Variants in SH3PXD2A observed in about 807,000 individuals in gnomAD.
The protein encoded by SH3PXD2A is SH3 and PX domain-containing protein 2A.
SH3PXD2A carries 32 observed loss-of-function variants against 115.2 expected under a neutral mutation model. The observed-to-expected ratio is 0.28, with a 90% CI of 0.21 to 0.37. The LOEUF (loss-of-function observed/expected upper bound fraction) is 0.37. Ranked by LOEUF, SH3PXD2A falls within the 10% of genes least tolerant of loss-of-function variation. The probability of loss-of-function intolerance (pLI) is 1.00; values close to 1 mark genes in which losing one functional copy is unlikely to be tolerated. For synonymous variants in SH3PXD2A, 610 were observed against 629.1 expected, an observed-to-expected ratio of 0.97 and a Z score of 0.45; for missense variants, 1,328 against 1,498.7, an observed-to-expected ratio of 0.89 and a Z score of 1.88.
intron 2 of SH3PXD2A, among the ~76,000 whole-genome samples, chr10:103,775,715 G>A (rs576085695): frequency 2.0e-5 from 3 of 152,274 alleles, no homozygotes; most frequent in Non-Finnish European, 4.4e-5. Flanking sequence ...TTATTCCAGC[G>A]ACTTGAGGAT....
chr10:103,655,731 C>T (rs758184890), intron 8 of SH3PXD2A, among the ~76,000 whole-genome samples: 8 of 138,570 alleles, frequency 5.8e-5, no homozygotes, highest in Admixed American at 5.5e-4. Context: ...CGAGATTGCA[C>T]TACTGCACTC....
Position 103,599,453 on chromosome 10 carries a change from G to T in SH3PXD2A, c.*2363C>A, listed in dbSNP as rs1192179615. On this transcript the variant is annotated 3_prime_UTR_variant, in exon 15 of 15. Coordinates refer to ENST00000369774, the MANE Select transcript of SH3PXD2A (RefSeq NM_001394015.1). ...AACTGGCTCAGTGCAGACATCTGAG[G>T]AGCGAGGCTGCAGGGCCCTCCCCCT... is the stretch of plus-strand genomic sequence containing the variant. 1 of 152,650 alleles carries T rather than the reference G, an allele frequency of 6.6e-6. No individual in the cohort carries two copies. Among genetic ancestry groups the T allele is most frequent in the Non-Finnish European group, 1.5e-5 (1 of 68,046 alleles). The allele number at this position is 152,650 out of a possible 1,614,324, so 9.5% of individuals were successfully genotyped here.
chr10:103,828,561 T>C (rs1391477594), intron 1 of SH3PXD2A, among the ~76,000 whole-genome samples: 3 of 152,166 alleles, frequency 2.0e-5, no homozygotes, highest in Non-Finnish European at 4.4e-5. Context: ...TACCTGGTGG[T>C]GGAAAGTGGG....
Position 103,627,787 on chromosome 10 carries a change from A to G in SH3PXD2A, c.605-585T>C, listed in dbSNP as rs905604989. 1.3e-5 allele frequency among the ~76,000 whole-genome samples: 2 copies of G among 152,206 alleles called. No individual in the cohort carries two copies. The highest frequency in any genetic ancestry group is 2.9e-5 in the Non-Finnish European group (2 of 68,032). On this transcript the variant is annotated intron_variant, in intron 8 of 14. Transcript: ENST00000369774. This position sits in a 1 kb window ranked among gnomAD's most constrained non-coding sequence, Gnocchi z 4.4. Reference sequence around the variant, plus strand: ...GATGCTTGACGATCATGGCCACGTGATAAAGCCTCATTCATCTTATTTGTT... The same window carrying G: ...GATGCTTGACGATCATGGCCACGTGGTAAAGCCTCATTCATCTTATTTGTT...
intron 3 of SH3PXD2A, among the ~76,000 whole-genome samples, chr10:103,764,959 A>C (rs1370242337): frequency 6.6e-6 from 1 of 152,208 alleles, no homozygotes; most frequent in Admixed American, 6.5e-5. Flanking sequence ...CTAGGCATGT[A>C]TGGAACATTA....
At chr10:103,663,988 C>T (rs1039404596) in intron 7 of SH3PXD2A, among the ~76,000 whole-genome samples, 2 of 152,232 alleles carry the variant, frequency 1.3e-5, no homozygotes, top group African/African-American at 4.8e-5. Context: ...GGGCCTGCCC[C>T]GCCTCTGTAC....
intron 2 of SH3PXD2A, among the ~76,000 whole-genome samples, chr10:103,773,125 GAGGC>G (rs1283637591): frequency 6.6e-6 from 1 of 151,758 alleles, no homozygotes; most frequent in African/African-American, 2.4e-5. Context: ...TCAGGAGGCT[GAGGC>G]AGGTGAATCG....
At chr10:103,791,080 C>T (rs529397456) in intron 2 of SH3PXD2A, among the ~76,000 whole-genome samples, 62 of 152,300 alleles carry the variant, frequency 4.1e-4, no homozygotes, top group Non-Finnish European at 7.1e-4. Context: ...CAAGACGTCA[C>T]CCAGAAATTT....
At chr10:103,707,133 C>CT (rs748629169) in intron 5 of SH3PXD2A, among the ~76,000 whole-genome samples, 189 of 152,226 alleles carry the variant, frequency 1.2e-3, no homozygotes, top group Non-Finnish European at 1.7e-3. Flanking sequence ...AAAACAGAGT[C>CT]TTGTACCTAG....
At chr10:103,820,939 A>C (rs1045655668) in intron 1 of SH3PXD2A, among the ~76,000 whole-genome samples, 1 of 152,206 alleles carries the variant, frequency 6.6e-6, no homozygotes, top group Non-Finnish European at 1.5e-5. Context: ...TCAGGGATTC[A>C]ATCCTAGCTT....
At chr10:103,681,760 G>A (rs142308687) in intron 6 of SH3PXD2A, among the ~76,000 whole-genome samples, 15 of 55,818 alleles carry the variant, frequency 2.7e-4, no homozygotes, top group African/African-American at 4.9e-4. Context: ...ACACGCGCCC[G>A]CGCGCGCGCG....
At chr10:103,714,954 G>C (rs1314127724) in intron 5 of SH3PXD2A, among the ~76,000 whole-genome samples, 1 of 152,206 alleles carries the variant, frequency 6.6e-6, no homozygotes, top group Admixed American at 6.5e-5. Context: ...GTTTCCAACA[G>C]CCTGCAGGGT....
chr10:103,825,370 C>T (rs1418422969), intron 1 of SH3PXD2A, among the ~76,000 whole-genome samples: 1 of 152,126 alleles, frequency 6.6e-6, no homozygotes, highest in African/African-American at 2.4e-5. Context: ...TGTTAACAGG[C>T]GTTGCAGGGA....
intron 1 of SH3PXD2A, among the ~76,000 whole-genome samples, chr10:103,811,721 C>T (rs754550637): frequency 2.6e-4 from 39 of 152,226 alleles, no homozygotes; most frequent in Non-Finnish European, 4.4e-4. Context: ...TCTGTCAATA[C>T]TGAGGCCGCC....
chr10:103,637,110 G>C (rs1308963560), intron 8 of SH3PXD2A, among the ~76,000 whole-genome samples: 1 of 152,200 alleles, frequency 6.6e-6, no homozygotes, highest in Admixed American at 6.5e-5. Flanking sequence ...CGAGGACACT[G>C]CAGTGAACAA....
At chr10:103,738,000 A>G (rs2038399094) in intron 3 of SH3PXD2A, among the ~76,000 whole-genome samples, 1 of 152,156 alleles carries the variant, frequency 6.6e-6, no homozygotes, top group Non-Finnish European at 1.5e-5. Context: ...CCCACACTAC[A>G]TGGAGCACTA....
chr10:103,613,486 TCAAC>T (rs1456685084), intron 11 of SH3PXD2A, among the ~76,000 whole-genome samples: 1 of 152,236 alleles, frequency 6.6e-6, no homozygotes, highest in African/African-American at 2.4e-5. Flanking sequence ...ATCAGATTTA[TCAAC>T]TTTTGGGTTG....
At chr10:103,684,328 G>A (rs942507673) in intron 6 of SH3PXD2A, among the ~76,000 whole-genome samples, 1 of 151,946 alleles carries the variant, frequency 6.6e-6, no homozygotes, top group Non-Finnish European at 1.5e-5. Flanking sequence ...CTCTATAAAA[G>A]GAGGAGAATA....
intron 4 of SH3PXD2A, among the ~76,000 whole-genome samples, chr10:103,729,602 C>G (rs990178059): frequency 6.6e-6 from 1 of 152,238 alleles, no homozygotes; most frequent in South Asian, 2.1e-4. Context: ...GCTGCTGGAA[C>G]TATGCAGGTC....
Sources: gnomAD v4.1 joint callset for allele counts (sites outside exome capture counted in the v4.1 genomes callset) on GRCh38, gnomAD v4.1.1 for gene constraint, Gnocchi (gnomAD v3.1) non-coding constraint, MANE v1.5 for transcripts, NCBI Gene and HGNC (gene_info 2026-07-23, HGNC 2026-07-21) for gene names.